Variants in CYP4F11 observed in about 807,000 individuals in gnomAD.
CYP4F11 encodes the protein cytochrome P450 4F11.
A neutral mutation model predicts 62.2 loss-of-function variants in CYP4F11; 79 were observed. That is an observed-to-expected ratio of 1.27 (90% confidence interval 1.06 to 1.53). CYP4F11 has a LOEUF of 1.53. CYP4F11 is among the 40% of genes most tolerant of loss of function. The probability of loss-of-function intolerance (pLI) is 0.00; values close to 1 mark genes in which losing one functional copy is unlikely to be tolerated. For synonymous variants in CYP4F11, 290 were observed against 263.7 expected (o/e 1.10, Z -0.97); for missense variants, 777 against 680.5 (o/e 1.14, Z -1.58).
chr19:15,924,919 G>C (rs767236868), intron 4 of CYP4F11, 37 bp from the exon 5 acceptor site: 1 of 1,589,180 alleles, frequency 6.3e-7, no homozygotes, highest in Non-Finnish European at 8.6e-7. Context: ...GCTGGGAACT[G>C]CCTCCTGGGA....
At chr19:15,918,946 AAC>A (rs932701989) in intron 8 of CYP4F11, among the ~76,000 whole-genome samples, 3 of 151,750 alleles carry the variant, frequency 2.0e-5, no homozygotes, top group Non-Finnish European at 4.4e-5. Context: ...AAAAAAAAAA[AAC>A]AGCTGTAAGA....
chr19:15,930,060 T>TCC (rs1461064640), intron 1 of CYP4F11, among the ~76,000 whole-genome samples: 1 of 151,318 alleles, frequency 6.6e-6, no homozygotes, highest in Non-Finnish European at 1.5e-5. Context: ...TCTCACGCTC[T>TCC]CTCTCTCTCT....
chr19:15,918,443 A>G (rs2089598532), intron 8 of CYP4F11, among the ~76,000 whole-genome samples: 1 of 152,194 alleles, frequency 6.6e-6, no homozygotes, highest in South Asian at 2.1e-4. Context: ...TAAAAGTTGA[A>G]AAAAATAATA....
chr19:15,924,030 T>A lies in CYP4F11; in HGVS notation c.700A>T (p.Lys234Ter). 1 of 1,614,156 alleles carries A rather than the reference T, an allele frequency of 6.2e-7. No homozygotes were observed. Among genetic ancestry groups the A allele is most frequent in the Non-Finnish European group, 8.5e-7 (1 of 1,180,022 alleles). ...AILELSAFVE[K>*]RNQQILLHTD... is the part of the protein sequence containing the mutation. The stretch of plus-strand genomic sequence containing the variant: ...TGCAAGAGAATCTGCTGGTTTCTCT[T>A]TTCTACAAAGGCACTGAGCTCCAAG... The change falls in exon 6 of 12, where the codon AAG becomes TAG. Residue 234 changes from lysine (K) to a stop codon, truncating the protein, a stop_gained. Coordinates refer to ENST00000402119, the MANE Select transcript of CYP4F11 (RefSeq NM_021187.4). LOFTEE classifies it high-confidence loss of function.
rs201684723 is a variant in CYP4F11 at position 15,914,842 on chromosome 19, C to T, written c.1169G>A (p.Arg390Gln). 13 of 1,613,980 alleles carry T rather than the reference C, an allele frequency of 8.1e-6. No homozygotes were observed. Among genetic ancestry groups the T allele is most frequent in the South Asian group, 4.4e-5 (4 of 91,086 alleles). The stretch of plus-strand genomic sequence containing the variant: ...GATGACCGGGACTGGGGGATGCAAC[C>T]GCAGGCTCTCCTTAATGCACATGGT... ...FLTMCIKESL[R>Q]LHPPVPVISR... The change falls in exon 9 of 12, where the codon CGG (arginine) becomes CAG (glutamine). Residue 390 changes from arginine to glutamine, a missense_variant. Arg to Gln is a conservative substitution (Grantham distance 43, BLOSUM62 1). Transcript: ENST00000402119.
rs796844623 is a variant in CYP4F11, at chr19:15,934,041, C to CGGGGAGAGGAATGAGTGAGT, written c.198+150_198+169dup. 1.9e-4 allele frequency among the ~76,000 whole-genome samples: 17 copies of CGGGGAGAGGAATGAGTGAGT among 88,662 alleles called. 2 individuals carry two copies. The highest frequency in any genetic ancestry group is 2.8e-4 in the African/African-American group (5 of 17,560). 58.2% of individuals were successfully genotyped at this position (88,662 alleles called of 152,430 possible). A position where few individuals can be genotyped will look rare whatever the true frequency, so the allele number is the denominator to read the frequency against. ...GTGAGTGGGCAGAGGAATGAGTGAG[C>CGGGGAGAGGAATGAGTGAGT]GGGGAGAGGAATGAGTGAGTGGGCA... On this transcript the variant is annotated intron_variant, in intron 1 of 11. Transcript: ENST00000402119.
At chr19:15,931,525 CAGAGGAATGAGTGAGCGGGG>C (rs1227278792) in intron 1 of CYP4F11, among the ~76,000 whole-genome samples, 6,577 of 138,034 alleles carry the variant, frequency 0.048, 998 homozygotes, top group Middle Eastern at 0.07. Flanking sequence ...GATGGCACAT[CAGAGGAATGAGTGAGCGGGG>C]AGAGGAATGA....
chr19:15,924,176 T>C, intron 5 of CYP4F11, 94 bp from the exon 6 acceptor site: 1 of 1,462,706 alleles, frequency 6.8e-7, no homozygotes. Context: ...AAATTGAGTA[T>C]CCAGAAACAG....
chr19:15,928,844 T>A (rs1026652064), intron 2 of CYP4F11, among the ~76,000 whole-genome samples: 2 of 152,060 alleles, frequency 1.3e-5, no homozygotes, highest in Non-Finnish European at 2.9e-5. Context: ...AGTGACAGGA[T>A]GAGGTAAAAG....
chr19:15,927,609 C>A lies in CYP4F11; in HGVS notation c.344-126G>T, dbSNP rs977755930. ...CCCACCCAGCATAGCAGGAAGAAGG[C>A]CAAGGGTAGAGGAAGAAGGGAGGAT... On this transcript the variant is annotated intron_variant, in intron 2 of 11. Transcript: ENST00000402119. The A allele has an allele frequency of 7.6e-6, 10 of 1,309,282 alleles. No homozygotes were observed. The African/African-American group carries it at 1.5e-4, about 19-fold the overall frequency. 81.1% of individuals were successfully genotyped at this position (1,309,282 alleles called of 1,614,324 possible).
Position 15,912,685 on chromosome 19 carries a change from A to ATG in CYP4F11, c.*1046_*1047insCA, listed in dbSNP as rs2089541154. 2.0e-5 allele frequency: 1 copy of ATG among 51,202 alleles called. No homozygotes were observed. Among genetic ancestry groups the ATG allele is most frequent in the Non-Finnish European group, 4.1e-5 (1 of 24,232 alleles). 3.2% of individuals were successfully genotyped at this position (51,202 alleles called of 1,614,324 possible). A position where few individuals can be genotyped will look rare whatever the true frequency, so the allele number is the denominator to read the frequency against. The stretch of plus-strand genomic sequence containing the variant: ...ATCCTCAGGAAAAAAAAAAAAATAT[A>ATG]TATATATATATATGTGTGTGTGTGT... On this transcript the variant is annotated 3_prime_UTR_variant, in exon 12 of 12. Transcript: ENST00000402119.
At position 15,921,984 on chromosome 19, in the gene CYP4F11, G is replaced by A. The variant is rs200423178; in HGVS notation, c.1115+53C>T. On this transcript the variant is annotated intron_variant, in intron 8 of 11. Coordinates refer to ENST00000402119, the MANE Select transcript of CYP4F11 (RefSeq NM_021187.4). ...AAAAACTCCCTCCCTCTGCCCACCT[G>A]AGGAGCAGAACCAATGACAAAAGAT... 1,372 of 1,502,208 alleles carry A rather than the reference G, an allele frequency of 9.1e-4. 2 individuals carry two copies. Among genetic ancestry groups the A allele is most frequent in the Non-Finnish European group, 1.2e-3 (1,345 of 1,128,678 alleles). The allele number at this position is 1,502,208 out of a possible 1,614,324, so 93.1% of individuals were successfully genotyped here. A position where few individuals can be genotyped will look rare whatever the true frequency, so the allele number is the denominator to read the frequency against.
At chr19:15,929,420 T>C (rs757190926) in intron 2 of CYP4F11, 37 bp downstream of exon 2, 253 of 1,613,360 alleles carry the variant, frequency 1.6e-4, no homozygotes, top group Non-Finnish European at 2.0e-4. Flanking sequence ...CCTTTGATGT[T>C]TCCCAGCCCC....
intron 2 of CYP4F11, 56 bp downstream of exon 2, chr19:15,929,401 G>A: frequency 6.2e-7 from 1 of 1,610,426 alleles, no homozygotes; most frequent in South Asian, 1.1e-5. Flanking sequence ...GAGGGGAGAG[G>A]CTAGAAGGCC....
chr19:15,931,152 G>A (rs1412816954), intron 1 of CYP4F11, among the ~76,000 whole-genome samples: 1 of 151,916 alleles, frequency 6.6e-6, no homozygotes, highest in African/African-American at 2.4e-5. Flanking sequence ...GTGAGGAAGA[G>A]CAAGATAGGA....
chr19:15,918,002 C>A (rs1568481643), intron 8 of CYP4F11, among the ~76,000 whole-genome samples: 1 of 152,074 alleles, frequency 6.6e-6, no homozygotes, highest in Non-Finnish European at 1.5e-5. Context: ...TTCATTGCAG[C>A]ACTATTCAGA....
At chr19:15,920,989 C>T (rs2089621906) in intron 8 of CYP4F11, among the ~76,000 whole-genome samples, 2 of 150,036 alleles carry the variant, frequency 1.3e-5, no homozygotes, top group Admixed American at 6.7e-5. Context: ...TCTCTCTTTC[C>T]CTCTTTTCTT....
chr19:15,924,206 A>C lies in CYP4F11; in HGVS notation c.648-124T>G, dbSNP rs2089651843. 1.2e-5 allele frequency: 15 copies of C among 1,249,224 alleles called. No individual in the cohort carries two copies. The South Asian group carries it at 2.0e-4, about 17-fold the overall frequency. 77.4% of individuals were successfully genotyped at this position (1,249,224 alleles called of 1,614,324 possible). A position where few individuals can be genotyped will look rare whatever the true frequency, so the allele number is the denominator to read the frequency against. ...AAACAGCCAGGAGACTTGACTCTCC[A>C]AACTCTCTTCTCTGAGGCATTCCAT... On this transcript the variant is annotated intron_variant, in intron 5 of 11. Transcript: ENST00000402119.
rs780619471 is a variant in CYP4F11 at position 15,934,223 on chromosome 19, T to G, written c.186A>C (p.Gly62=). 1 of 1,613,236 alleles carries G rather than the reference T, an allele frequency of 6.2e-7. No homozygotes were observed. The highest frequency in any genetic ancestry group is 8.5e-7 in the Non-Finnish European group (1 of 1,179,560). The change falls in exon 1 of 12, where the codon GGA becomes GGC. Residue 62 remains glycine (G), a synonymous_variant. Transcript: ENST00000402119. ...CTGACAAACTCACCAGGCCCTGGTG[T>G]CCCCAAAACCAGTTCTGTTTCGGGG... The part of the protein sequence containing the change: ...PQPPKQNWFW[G]HQGLVTPTEE...
Sources: allele counts gnomAD v4.1 joint callset (sites outside exome capture counted in the v4.1 genomes callset), GRCh38; gene constraint gnomAD v4.1.1; transcripts MANE v1.5; gene names NCBI Gene and HGNC (gene_info 2026-07-23, HGNC 2026-07-21).